Variants in WLS observed in about 807,000 individuals in gnomAD.
WLS encodes Wnt ligand secretion mediator.
A neutral mutation model predicts 62.8 loss-of-function variants in WLS; 23 were observed. That is an observed-to-expected ratio of 0.37 (90% CI 0.26 to 0.52). WLS has a LOEUF of 0.52. WLS is among the 20% of genes least tolerant of loss of function. WLS has a pLI of 0.92. For synonymous variants in WLS, 246 were observed against 244.1 expected (o/e 1.01, Z -0.07); for missense variants, 615 against 697.3 (o/e 0.88, Z 1.33).
rs555444999 is a variant in WLS at position 68,150,796 on chromosome 1, ACT to A, written c.804-442_804-441del. 4.7e-4 allele frequency among the ~76,000 whole-genome samples: 72 copies of A among 152,270 alleles called. 1 individual carries two copies. The highest frequency in any genetic ancestry group is 6.8e-3 in the Middle Eastern group (2 of 294). ...AGCATATTTGTTTCAATAATACATG[ACT>A]CCAAACACATTTGAAATGTAAATTC... On this transcript the variant is annotated intron_variant, in intron 5 of 11. Transcript: ENST00000262348.
chr1:68,154,889 A>AATCTTTGT (rs1268446086), intron 4 of WLS, among the ~76,000 whole-genome samples: 9 of 152,206 alleles, frequency 5.9e-5, no homozygotes, highest in African/African-American at 2.2e-4. Context: ...AGTGATCTTA[A>AATCTTTGT]GCCCATTTAA....
chr1:68,196,688 C>T (rs1316985142), intron 1 of WLS, among the ~76,000 whole-genome samples: 1 of 152,100 alleles, frequency 6.6e-6, no homozygotes, highest in African/African-American at 2.4e-5. Flanking sequence ...AAACTCAACA[C>T]TACTAAGCTC....
intron 11 of WLS, among the ~76,000 whole-genome samples, chr1:68,104,039 C>T (rs1646112400): frequency 6.6e-6 from 1 of 152,144 alleles, no homozygotes; most frequent in Non-Finnish European, 1.5e-5. Context: ...CACACTGGCT[C>T]AAGGGCCCAG....
chr1:68,165,107 G>T (rs1053160910), intron 2 of WLS, among the ~76,000 whole-genome samples: 4 of 152,182 alleles, frequency 2.6e-5, no homozygotes, highest in Admixed American at 6.5e-5. Flanking sequence ...ACTTTAAACT[G>T]TGTTGAAAAG....
intron 1 of WLS, among the ~76,000 whole-genome samples, chr1:68,220,672 A>T (rs1354570125): frequency 6.6e-6 from 1 of 152,236 alleles, no homozygotes; most frequent in East Asian, 1.9e-4. Context: ...ATGAACTATC[A>T]AATGGAAAAC....
chr1:68,128,278 C>T (rs943250045), intron 11 of WLS, among the ~76,000 whole-genome samples: 6 of 152,190 alleles, frequency 3.9e-5, no homozygotes, highest in Admixed American at 6.5e-5. Flanking sequence ...GCAACTACTC[C>T]CAGGCCAATA....
intron 10 of WLS, among the ~76,000 whole-genome samples, chr1:68,142,143 C>A (rs1436417500): frequency 6.6e-6 from 1 of 152,182 alleles, no homozygotes; most frequent in African/African-American, 2.4e-5. Context: ...AAGGTTAAAT[C>A]CTGGCAACAT....
intron 2 of WLS, among the ~76,000 whole-genome samples, chr1:68,189,971 C>A (rs188819252): frequency 9.9e-5 from 15 of 152,060 alleles, no homozygotes; most frequent in Non-Finnish European, 2.2e-4. Flanking sequence ...ATCATGCCAC[C>A]GTACTCCAGC....
chr1:68,106,757 TGG>T (rs1203263932), intron 11 of WLS, among the ~76,000 whole-genome samples: 2 of 151,124 alleles, frequency 1.3e-5, no homozygotes, highest in African/African-American at 4.9e-5. Flanking sequence ...TGTGTATGTG[TGG>T]GTAGGTGGGT....
chr1:68,124,369 C>T (rs1646399158), downstream of WLS, among the ~76,000 whole-genome samples: 1 of 152,208 alleles, frequency 6.6e-6, no homozygotes, highest in South Asian at 2.1e-4. Flanking sequence ...CTGCTATTTC[C>T]ATTCCTATGT....
intron 2 of WLS, among the ~76,000 whole-genome samples, chr1:68,175,849 GTAACACCCCTAACCCGGAAAATA>G (rs1647235500): frequency 6.6e-6 from 1 of 152,204 alleles, no homozygotes; most frequent in South Asian, 2.1e-4. Context: ...TTCAACAATG[GTAACACCCCTAACCCGGAAAATA>G]CATTTGTGCT....
chr1:68,104,770 A>G (rs1437723159), intron 11 of WLS, among the ~76,000 whole-genome samples: 1 of 152,214 alleles, frequency 6.6e-6, no homozygotes, highest in African/African-American at 2.4e-5. Context: ...TTTTTAAAAA[A>G]GTAGCCAGGT....
intron 2 of WLS, among the ~76,000 whole-genome samples, chr1:68,185,140 C>T (rs1471330835): frequency 6.6e-6 from 1 of 152,098 alleles, no homozygotes; most frequent in Non-Finnish European, 1.5e-5. Context: ...CACCACTTAC[C>T]TGGAAATAGC....
intron 1 of WLS, among the ~76,000 whole-genome samples, chr1:68,220,866 G>A (rs1036065): frequency 0.015 from 2,351 of 152,192 alleles, 54 homozygotes; most frequent in African/African-American, 0.053. Context: ...GTAACTAGCC[G>A]AAGTTTTAAC....
At chr1:68,114,422 A>G (rs1646265259) in intron 11 of WLS, among the ~76,000 whole-genome samples, 2 of 152,172 alleles carry the variant, frequency 1.3e-5, no homozygotes, top group South Asian at 4.1e-4. Flanking sequence ...TCAAGAATCT[A>G]TAATGATGAT....
chr1:68,170,160 C>CTTTTTTTCTTTTCTT (rs1553131191), intron 2 of WLS, among the ~76,000 whole-genome samples: 1 of 86,784 alleles, frequency 1.2e-5, no homozygotes, highest in South Asian at 4.2e-4. Flanking sequence ...GCTACTATTT[C>CTTTTTTTCTTTTCTT]TTTTTTTTTT....
chr1:68,192,191 A>G (rs1570985811), intron 2 of WLS, among the ~76,000 whole-genome samples: 1 of 152,230 alleles, frequency 6.6e-6, no homozygotes. Flanking sequence ...CTGTATCTAG[A>G]AAATTATCTC....
chr1:68,137,962 TGAAACAGAGAA>T (rs1646634870), intron 10 of WLS, 29 bp from the exon 11 acceptor site: 2 of 1,612,192 alleles, frequency 1.2e-6, no homozygotes, highest in African/African-American at 2.7e-5. Flanking sequence ...GATATTCAAT[TGAAACAGAGAA>T]GAAACAGAAG....
At chr1:68,117,144 C>T (rs1646303211) in intron 11 of WLS, among the ~76,000 whole-genome samples, 1 of 152,138 alleles carries the variant, frequency 6.6e-6, no homozygotes, top group South Asian at 2.1e-4. Context: ...CCCCCTGCCC[C>T]CACACTCACT....
Sources: allele counts gnomAD v4.1 joint callset (sites outside exome capture counted in the v4.1 genomes callset), GRCh38; gene constraint gnomAD v4.1.1; transcripts MANE v1.5; gene names NCBI Gene and HGNC (gene_info 2026-07-23, HGNC 2026-07-21).